The following ADGRG4 variants were observed in gnomAD, a reference collection of about 807,000 sequenced individuals.
ADGRG4 encodes adhesion G protein-coupled receptor G4, also known as G protein-coupled receptor 112.
In ADGRG4, 122 loss-of-function variants were observed where a neutral mutation model predicts 126.2. The ratio of observed to expected loss-of-function variants is 0.97; its 90% CI spans 0.83 to 1.12. The LOEUF is 1.12. Among genes scored for constraint, ADGRG4 ranks in the 50% most tolerant of loss-of-function variants. The pLI is 0.00. For synonymous variants in ADGRG4, 943 were observed against 838.7 expected, an observed-to-expected ratio of 1.12 and a Z score of -2.15; for missense variants, 2,481 against 2,251.8, an observed-to-expected ratio of 1.10 and a Z score of -2.06.
At chrX:136,382,895 A>G (rs1043197488) in intron 15 of ADGRG4, among the ~76,000 whole-genome samples, 1 of 110,721 alleles carries the variant, frequency 9.0e-6, no homozygotes, top group African/African-American at 3.3e-5. Context: ...TCTGGAACTA[A>G]GACCTCTAGG....
rs189804956 is a variant in ADGRG4, at chrX:136,311,266, A to G, written c.70+2419A>G. On this transcript the variant is annotated intron_variant, in intron 4 of 25. Coordinates refer to ENST00000394143, the MANE Select transcript of ADGRG4 (RefSeq NM_153834.4). ...ATAGGATTTTAGGGGAGGGGGAAACAAACATTCAGTCCATAACATGATTTT... is the reference window on the plus strand; with the variant it reads ...ATAGGATTTTAGGGGAGGGGGAAACGAACATTCAGTCCATAACATGATTTT... Among the ~76,000 whole-genome samples the G allele has an allele frequency of 3.6e-5, 4 of 110,984 alleles. No individual in the cohort carries two copies. The East Asian group carries it at 1.1e-3, about 32-fold the overall frequency.
chrX:136,314,820 G>A (rs926132188), intron 4 of ADGRG4, among the ~76,000 whole-genome samples: 8 of 112,386 alleles, frequency 7.1e-5, no homozygotes, highest in Admixed American at 5.7e-4. Flanking sequence ...CTGACACATA[G>A]TCAATGCTCA....
intron 20 of ADGRG4, 21 bp from the exon 21 acceptor site, chrX:136,399,827 A>G (rs1351330470): frequency 8.4e-7 from 1 of 1,192,421 alleles, no homozygotes; most frequent in South Asian, 1.8e-5. Context: ...TTACCTAACA[A>G]CATTGTACTT....
chrX:136,306,972 T>G (rs1331388261), intron 3 of ADGRG4, among the ~76,000 whole-genome samples: 1 of 111,726 alleles, frequency 9.0e-6, no homozygotes, highest in Non-Finnish European at 1.9e-5. Flanking sequence ...CCTCAGCCTC[T>G]GAAAGTGCTG....
At chrX:136,362,586 G>C (rs934017273) in intron 12 of ADGRG4, among the ~76,000 whole-genome samples, 3 of 111,340 alleles carry the variant, frequency 2.7e-5, no homozygotes, top group African/African-American at 9.8e-5. Flanking sequence ...CTCTCCTGCT[G>C]TCTCACTCAG....
At chrX:136,364,399 C>T (rs979058786) in intron 13 of ADGRG4, among the ~76,000 whole-genome samples, 13 of 111,645 alleles carry the variant, frequency 1.2e-4, no homozygotes, top group South Asian at 7.5e-4. Flanking sequence ...CTATTCTTTA[C>T]GTTGCTTTTT....
At position 136,394,089 on chromosome X, in the gene ADGRG4, CCT is replaced by C. The variant is rs1491231420; in HGVS notation, c.8080+512_8080+513del. Among the ~76,000 whole-genome samples the C allele has an allele frequency of 3.6e-5, 4 of 110,747 alleles. No individual in the cohort carries two copies. In the East Asian group the frequency reaches 1.1e-3, roughly 31 times the overall value. The stretch of plus-strand genomic sequence containing the variant: ...ATCTCCTTCCCTTTTTTTTTCCTCA[CCT>C]CTTTTAGACTGACTGTGTGACCTTG... On this transcript the variant is annotated intron_variant, in intron 18 of 25. Transcript: ENST00000394143.
rs1001518672 is a variant in ADGRG4, at chrX:136,350,120, C to T, written c.6414C>T (p.His2138=). 9.9e-6 allele frequency: 12 copies of T among 1,206,293 alleles called. No homozygotes were observed. The Admixed American group carries it at 2.2e-4, about 22-fold the overall frequency. Residue 2138 remains histidine (H), a synonymous_variant, in exon 6 of 26, where the codon CAC becomes CAT. Coordinates refer to ENST00000394143, the MANE Select transcript of ADGRG4 (RefSeq NM_153834.4). ...RKTMSPSTTD[H]TLSVGAMPLP... is the part of the protein sequence containing the mutation. The stretch of plus-strand genomic sequence containing the variant: ...CTATGTCACCTTCTACAACTGACCA[C>T]ACTCTATCTGTTGGTGCCATGCCTC...
At chrX:136,364,103 G>A (rs753267617) in intron 13 of ADGRG4, among the ~76,000 whole-genome samples, 1 of 110,831 alleles carries the variant, frequency 9.0e-6, no homozygotes, top group East Asian at 2.8e-4. Flanking sequence ...GAGCCACCGC[G>A]CCTGGCCTTA....
Position 136,347,698 on chromosome X carries a change from C to G in ADGRG4, c.3992C>G (p.Ser1331Cys). 2 of 1,209,694 alleles carry G rather than the reference C, an allele frequency of 1.7e-6. No individual in the cohort carries two copies. Among genetic ancestry groups the G allele is most frequent in the African/African-American group, 3.5e-5 (2 of 57,777 alleles). ...GTPSDGNLAS[S>C]PTSGSTQITP... Reference sequence around the variant, plus strand: ...CCCTCTGATGGAAATTTGGCTTCATCTCCCACTTCTGGAAGCACACAGATT... The same window carrying G: ...CCCTCTGATGGAAATTTGGCTTCATGTCCCACTTCTGGAAGCACACAGATT... The change falls in exon 6 of 26, where the codon TCT becomes TGT. Residue 1331 changes from serine to cysteine, a missense_variant. Coordinates refer to ENST00000394143, the MANE Select transcript of ADGRG4 (RefSeq NM_153834.4).
intron 5 of ADGRG4, among the ~76,000 whole-genome samples, chrX:136,324,322 G>A (rs1405410261): frequency 1.8e-5 from 2 of 111,918 alleles, no homozygotes; most frequent in Non-Finnish European, 3.8e-5. Flanking sequence ...TATGATGTTT[G>A]CAAAATAATG....
intron 3 of ADGRG4, chrX:136,306,065 C>T (rs1429170391): frequency 9.0e-6 from 1 of 111,596 alleles, no homozygotes; most frequent in African/African-American, 3.3e-5. Context: ...AAATGAGTCT[C>T]CTGTTTAGTA....
At chrX:136,364,442 T>C (rs553025043) in intron 13 of ADGRG4, among the ~76,000 whole-genome samples, 1 of 112,222 alleles carries the variant, frequency 8.9e-6, no homozygotes, top group South Asian at 3.7e-4. Context: ...GATTATTATA[T>C]CAGCCTATAA....
chrX:136,408,961 C>A (rs777635921), intron 23 of ADGRG4, among the ~76,000 whole-genome samples: 1 of 110,103 alleles, frequency 9.1e-6, no homozygotes, highest in Admixed American at 9.7e-5. Context: ...AGCACAAAGT[C>A]TTGCCAGTCC....
Position 136,350,175 on chromosome X carries a change from A to C in ADGRG4, c.6469A>C (p.Asn2157His). The change falls in exon 6 of 26, where the codon AAC (asparagine) becomes CAC (histidine). Residue 2157 changes from asparagine to histidine, a missense_variant. Physicochemically the swap from Asn to His is moderately conservative, Grantham distance 68. Coordinates refer to ENST00000394143, the MANE Select transcript of ADGRG4 (RefSeq NM_153834.4). Reference sequence around the variant, plus strand: ...TAGCTCTACAATAACATCTTCATGGAACAGAATTCCAACTGCATCATCACC... The same window carrying C: ...TAGCTCTACAATAACATCTTCATGGCACAGAATTCCAACTGCATCATCACC... ...LPSSTITSSW[N>H]RIPTASSPST... 8.3e-7 allele frequency: 1 copy of C among 1,210,565 alleles called. No individual in the cohort carries two copies. The highest frequency in any genetic ancestry group is 1.1e-6 in the Non-Finnish European group (1 of 894,665).
rs2075040419 is a variant in ADGRG4 at position 136,349,020 on chromosome X, A to G, written c.5314A>G (p.Thr1772Ala). Residue 1772 changes from threonine (T) to alanine (A), a missense_variant, in exon 6 of 26, where the codon ACT (threonine) becomes GCT (alanine). Physicochemically the swap from Thr to Ala is moderately conservative, Grantham distance 58 (BLOSUM62 0). Transcript: ENST00000394143. ...SFNIQVSPSL[T>A]SFKSASGPTK... ...CAATATTCAGGTTTCCCCATCTCTG[A>G]CTAGCTTTAAGAGTGCTTCTGGACC... 1.7e-6 allele frequency: 2 copies of G among 1,204,691 alleles called. No individual in the cohort carries two copies. The highest frequency in any genetic ancestry group is 1.8e-5 in the African/African-American group (1 of 56,918).
chrX:136,345,892 C>G lies in ADGRG4; in HGVS notation c.2186C>G (p.Ser729Cys). Residue 729 changes from serine to cysteine, a missense_variant, in exon 6 of 26, where the codon TCC becomes TGC. By Grantham distance (112) the Ser-to-Cys change is moderately radical. Coordinates refer to ENST00000394143, the MANE Select transcript of ADGRG4 (RefSeq NM_153834.4). ...ATTARYTTAV[S>C]KLTSPWFANF... ...ACAGCCAGATATACAACAGCTGTAT[C>G]CAAATTGACATCACCATGGTTTGCT... 8.3e-7 allele frequency: 1 copy of G among 1,209,273 alleles called. No individual in the cohort carries two copies. Among genetic ancestry groups the G allele is most frequent in the Non-Finnish European group, 1.1e-6 (1 of 893,258 alleles).
At chrX:136,311,520 T>C (rs983065330) in intron 4 of ADGRG4, among the ~76,000 whole-genome samples, 5 of 110,852 alleles carry the variant, frequency 4.5e-5, no homozygotes, top group African/African-American at 1.6e-4. Flanking sequence ...GGCTGGGGTT[T>C]TGTGACATTC....
At chrX:136,370,037 G>A (rs947985669) in intron 13 of ADGRG4, among the ~76,000 whole-genome samples, 1 of 111,913 alleles carries the variant, frequency 8.9e-6, no homozygotes, top group African/African-American at 3.2e-5. Context: ...GCTTTTGAAG[G>A]TGTTAAGTTG....
Sources: gnomAD v4.1 joint callset for allele counts (sites outside exome capture counted in the v4.1 genomes callset) on GRCh38, gnomAD v4.1.1 for gene constraint, MANE v1.5 for transcripts, NCBI Gene and HGNC (gene_info 2026-07-23, HGNC 2026-07-21) for gene names.